UST: variants seen among roughly 807,000 people sequenced by gnomAD.
UST encodes uronyl 2-sulfotransferase.
UST carries 21 observed loss-of-function variants against 45.6 expected under a neutral mutation model. That is an observed-to-expected ratio of 0.46 (90% CI 0.33 to 0.66). UST has a LOEUF of 0.66. Among genes scored for constraint, UST ranks in the 30% least tolerant of loss-of-function variants. The pLI, the probability that UST is intolerant of heterozygous loss-of-function variation, is 0.02. For missense variants in UST, 463 were observed against 512.4 expected (o/e 0.90, Z 0.93); for synonymous variants, 215 against 200.6 (o/e 1.07, Z -0.61).
chr6:148,970,217 A>AG (rs956401196), intron 5 of UST, among the ~76,000 whole-genome samples: 11 of 152,264 alleles, frequency 7.2e-5, no homozygotes, highest in African/African-American at 2.6e-4. Context: ...TGGGTGAAGG[A>AG]GGGGGCAAGG....
At chr6:148,760,744 AAC>A (rs1776202228) in intron 1 of UST, among the ~76,000 whole-genome samples, 1 of 151,880 alleles carries the variant, frequency 6.6e-6, no homozygotes, top group African/African-American at 2.4e-5. Context: ...AACAAAAAAA[AAC>A]CACAAACATC....
chr6:149,000,619 G>C (rs745418429), intron 5 of UST, among the ~76,000 whole-genome samples: 18 of 152,176 alleles, frequency 1.2e-4, no homozygotes, highest in Non-Finnish European at 2.6e-4. Context: ...ACTGGAATAT[G>C]AATACACTCC....
intron 1 of UST, among the ~76,000 whole-genome samples, chr6:148,814,352 A>G (rs1180648116): frequency 6.6e-6 from 1 of 152,138 alleles, no homozygotes; most frequent in East Asian, 1.9e-4. Flanking sequence ...AGAGCTGCCA[A>G]AGTACCTATA....
intron 5 of UST, among the ~76,000 whole-genome samples, chr6:149,004,011 C>T (rs1334475222): frequency 1.3e-5 from 2 of 152,320 alleles, no homozygotes; most frequent in East Asian, 3.8e-4. Flanking sequence ...ACTTAAATTT[C>T]TTTCTAGCAA....
chr6:148,988,573 CAAAAA>C (rs760248567), intron 5 of UST, among the ~76,000 whole-genome samples: 1 of 86,916 alleles, frequency 1.2e-5, no homozygotes, highest in Non-Finnish European at 2.2e-5. Flanking sequence ...GACCCTGTCT[CAAAAA>C]AAAAAAAAAA....
chr6:149,032,197 G>T (rs373143891), intron 7 of UST, among the ~76,000 whole-genome samples: 2 of 152,114 alleles, frequency 1.3e-5, no homozygotes, highest in African/African-American at 4.8e-5. Context: ...CGCTGCTGCC[G>T]GAGGGCCTGT....
At chr6:148,995,211 G>T (rs933287699) in intron 5 of UST, among the ~76,000 whole-genome samples, 1 of 152,204 alleles carries the variant, frequency 6.6e-6, no homozygotes, top group African/African-American at 2.4e-5. Context: ...TTTTAGCAGA[G>T]TTGGGGTTTT....
At chr6:149,070,945 T>C (rs953091575) in intron 7 of UST, among the ~76,000 whole-genome samples, 1 of 152,100 alleles carries the variant, frequency 6.6e-6, no homozygotes, top group Non-Finnish European at 1.5e-5. Flanking sequence ...TTTGTGTATT[T>C]TTAGTAGAGA....
chr6:148,905,724 C>G (rs7750435), intron 2 of UST, among the ~76,000 whole-genome samples: 5,573 of 152,286 alleles, frequency 0.037, 338 homozygotes, highest in African/African-American at 0.13. Context: ...GTATCATTTC[C>G]TACCACCAGA....
At chr6:149,057,712 T>C (rs1469929993) in intron 7 of UST, among the ~76,000 whole-genome samples, 1 of 152,202 alleles carries the variant, frequency 6.6e-6, no homozygotes, top group East Asian at 1.9e-4. Context: ...ATGTAATTGG[T>C]AATAATTAAA....
intron 7 of UST, among the ~76,000 whole-genome samples, chr6:149,039,757 G>A (rs1346063579): frequency 6.6e-6 from 1 of 152,208 alleles, no homozygotes; most frequent in Non-Finnish European, 1.5e-5. Flanking sequence ...AACTGTCGCT[G>A]TGGCCCCTTA....
intron 3 of UST, among the ~76,000 whole-genome samples, chr6:148,952,322 T>C (rs183391359): frequency 3.6e-4 from 55 of 152,278 alleles, no homozygotes; most frequent in African/African-American, 1.2e-3. Context: ...AAACAGTAGA[T>C]AAAGAGGCAG....
intron 5 of UST, among the ~76,000 whole-genome samples, chr6:148,994,090 C>T (rs1037741917): frequency 1.3e-5 from 2 of 151,236 alleles, no homozygotes; most frequent in Admixed American, 6.6e-5. Flanking sequence ...GTGCCTCAGC[C>T]TCCCAACAAC....
At chr6:149,041,148 G>A (rs953655329) in intron 7 of UST, among the ~76,000 whole-genome samples, 1 of 152,190 alleles carries the variant, frequency 6.6e-6, no homozygotes, top group Non-Finnish European at 1.5e-5. Flanking sequence ...ACTTACTGTG[G>A]GCCAGACAGC....
intron 7 of UST, among the ~76,000 whole-genome samples, chr6:149,042,472 A>T (rs1433378501): frequency 6.6e-6 from 1 of 152,114 alleles, no homozygotes; most frequent in Admixed American, 6.6e-5. Flanking sequence ...ATTTGTGGGT[A>T]GCTTGCCCTG....
At chr6:148,953,618 A>G (rs1780412959) in intron 3 of UST, among the ~76,000 whole-genome samples, 1 of 152,056 alleles carries the variant, frequency 6.6e-6, no homozygotes, top group East Asian at 1.9e-4. Context: ...AAAAATACAA[A>G]AAATTAGCCG....
intron 1 of UST, among the ~76,000 whole-genome samples, chr6:148,764,370 C>T (rs1410871747): frequency 6.6e-6 from 1 of 152,106 alleles, no homozygotes; most frequent in Non-Finnish European, 1.5e-5. Context: ...AGTAATTTAT[C>T]AAATCTAGAA....
chr6:148,887,376 G>T (rs942523343), intron 2 of UST, among the ~76,000 whole-genome samples: 2 of 152,204 alleles, frequency 1.3e-5, no homozygotes, highest in African/African-American at 4.8e-5. Flanking sequence ...GCCTCCCCAT[G>T]CCTTCGGGCT....
intron 1 of UST, among the ~76,000 whole-genome samples, chr6:148,758,754 G>A (rs544389270): frequency 2.6e-5 from 4 of 152,260 alleles, no homozygotes; most frequent in South Asian, 2.1e-4. Flanking sequence ...TAGGTGTTGC[G>A]GCAAGTGAGA....
Sources: allele counts gnomAD v4.1 joint callset (sites outside exome capture counted in the v4.1 genomes callset), GRCh38; gene constraint gnomAD v4.1.1; transcripts MANE v1.5; gene names NCBI Gene and HGNC (gene_info 2026-07-23, HGNC 2026-07-21).